Variants in HDGFL2 observed in about 807,000 individuals in gnomAD.
The protein encoded by HDGFL2 is HDGF like 2.
A neutral mutation model predicts 77.1 loss-of-function variants in HDGFL2; 36 were observed. The observed-to-expected ratio is 0.47, with a 90% CI of 0.36 to 0.62. The LOEUF (loss-of-function observed/expected upper bound fraction) is 0.62, where lower values mean the gene tolerates loss of function less well. HDGFL2 is among the 20% of genes least tolerant of loss of function. The pLI is 0.00. For synonymous variants in HDGFL2, 463 were observed against 413.1 expected (o/e 1.12, Z -1.46); for missense variants, 976 against 973.4 (o/e 1.00, Z -0.04).
chr19:4,498,170 C>G, intron 11 of HDGFL2, 136 bp from the exon 12 acceptor site: 2 of 1,141,710 alleles, frequency 1.8e-6, no homozygotes, highest in Non-Finnish European at 2.5e-6. Flanking sequence ...GGCGGTGCCT[C>G]CAGGGGTGGG....
At chr19:4,481,080 G>A (rs532052515) in intron 3 of HDGFL2, among the ~76,000 whole-genome samples, 23 of 151,750 alleles carry the variant, frequency 1.5e-4, no homozygotes, top group African/African-American at 5.6e-4. Flanking sequence ...GGAGTGCAGT[G>A]GTGCGGTCTC....
At chr19:4,498,989 C>A (rs1412904001) in intron 13 of HDGFL2, 74 bp downstream of exon 13, 3 of 1,057,934 alleles carry the variant, frequency 2.8e-6, no homozygotes, top group African/African-American at 3.1e-5. Flanking sequence ...GGAGCCCAGG[C>A]CCCCAGCAGG....
chr19:4,476,340 C>T lies in HDGFL2; in HGVS notation c.288+757C>T, dbSNP rs373282956. Among the ~76,000 whole-genome samples, 583 of 151,368 alleles carry T rather than the reference C, an allele frequency of 3.9e-3. 6 individuals carry two copies. The highest frequency in any genetic ancestry group is 0.036 in the South Asian group (171 of 4,766). On this transcript the variant is annotated intron_variant, in intron 3 of 15. Coordinates refer to ENST00000616600, the MANE Select transcript of HDGFL2 (RefSeq NM_001001520.3). ...CCCGAGTTGCTGGGATTACAGGTGC[C>T]CACCACCACACCCAGCTAATTTTTG...
At chr19:4,481,834 T>C (rs1400460618) in intron 3 of HDGFL2, among the ~76,000 whole-genome samples, 2 of 151,956 alleles carry the variant, frequency 1.3e-5, no homozygotes, top group East Asian at 1.9e-4. Flanking sequence ...CGGTGAGAAA[T>C]TGCACATCGA....
At chr19:4,476,617 T>A (rs968319624) in intron 3 of HDGFL2, among the ~76,000 whole-genome samples, 12 of 149,378 alleles carry the variant, frequency 8.0e-5, no homozygotes, top group African/African-American at 2.7e-4. Flanking sequence ...TTTAGAGGAG[T>A]GAAAAGTCTG....
At chr19:4,496,476 C>A in intron 10 of HDGFL2, 71 bp downstream of exon 10, 1 of 1,169,604 alleles carries the variant, frequency 8.5e-7, no homozygotes, top group Non-Finnish European at 1.3e-6. Context: ...CCTCACCCCT[C>A]ACAGGGGCAG....
chr19:4,494,001 G>T lies in HDGFL2; in HGVS notation c.858G>T (p.Lys286Asn). ...CTGTAGCGGAGAAGCCTCTCCCGAA[G>T]CCGCGAGGGCGGAAACCGAAGCCTG... Reference protein sequence around the residue: ...GRKPAEKPLPKPRGRKPKPER... With the variant: ...GRKPAEKPLPNPRGRKPKPER... The change falls in exon 8 of 16, where the codon AAG (lysine) becomes AAT (asparagine). Residue 286 changes from lysine to asparagine, a missense_variant. This residue lies in a region of HDGFL2 where 567 missense variants were observed against 534.7 expected (regional missense o/e 1.06). Transcript: ENST00000616600. 6.2e-7 allele frequency: 1 copy of T among 1,611,328 alleles called. No individual in the cohort carries two copies. Among genetic ancestry groups the T allele is most frequent in the East Asian group, 2.2e-5 (1 of 44,778 alleles).
Position 4,488,773 on chromosome 19 carries a change from C to T in HDGFL2, c.386C>T (p.Thr129Ile). 2 of 1,552,232 alleles carry T rather than the reference C, an allele frequency of 1.3e-6. No homozygotes were observed. The highest frequency in any genetic ancestry group is 8.7e-7 in the Non-Finnish European group (1 of 1,147,384). Residue 129 changes from threonine (T) to isoleucine (I), a missense_variant, in exon 4 of 16, where the codon ACA becomes ATA. Coordinates refer to ENST00000616600, the MANE Select transcript of HDGFL2 (RefSeq NM_001001520.3). Reference sequence around the variant, plus strand: ...GAGGACCGGGGGGTCATGGCCGTCACAGCGGTAACCGCCACAGCTGCCAGC... The same window carrying T: ...GAGGACCGGGGGGTCATGGCCGTCATAGCGGTAACCGCCACAGCTGCCAGC... ...DDEDRGVMAVTAVTATAASDR... is the reference protein window; with the variant it reads ...DDEDRGVMAVIAVTATAASDR...
intron 3 of HDGFL2, 99 bp from the exon 4 acceptor site, chr19:4,488,577 G>T: frequency 9.2e-7 from 1 of 1,083,074 alleles, no homozygotes; most frequent in Non-Finnish European, 1.3e-6. Context: ...CTGACATTCA[G>T]GATCCCGCAT....
At chr19:4,485,805 G>T (rs1406418687) in intron 3 of HDGFL2, among the ~76,000 whole-genome samples, 1 of 149,346 alleles carries the variant, frequency 6.7e-6, no homozygotes, top group Non-Finnish European at 1.5e-5. Flanking sequence ...CCAGCAGCTT[G>T]GGAGGCCAAG....
intron 14 of HDGFL2, among the ~76,000 whole-genome samples, 190 bp downstream of exon 14, chr19:4,499,894 G>A (rs1008809885): frequency 6.6e-6 from 1 of 152,242 alleles, no homozygotes; most frequent in African/African-American, 2.4e-5. Flanking sequence ...GGGCATTCAG[G>A]TCCTACCGTG....
intron 14 of HDGFL2, 81 bp from the exon 15 acceptor site, chr19:4,501,110 G>A (rs1323889397): frequency 3.8e-6 from 6 of 1,574,854 alleles, no homozygotes; most frequent in South Asian, 3.4e-5. Context: ...CTTGGCCCCT[G>A]GTCCAGTCCT....
At chr19:4,486,066 A>AC (rs1333676507) in intron 3 of HDGFL2, among the ~76,000 whole-genome samples, 10 of 150,854 alleles carry the variant, frequency 6.6e-5, no homozygotes, top group African/African-American at 9.7e-5. Flanking sequence ...AAAAAAAAAA[A>AC]AAAAACAACA....
At chr19:4,498,202 G>A (rs1975759951) in intron 11 of HDGFL2, 104 bp from the exon 12 acceptor site, 6 of 1,256,928 alleles carry the variant, frequency 4.8e-6, no homozygotes, top group African/African-American at 1.5e-5. Flanking sequence ...CAGACCTGGG[G>A]CCCCCATGAC....
chr19:4,499,389 G>T, intron 13 of HDGFL2, 102 bp from the exon 14 acceptor site: 7 of 990,672 alleles, frequency 7.1e-6, no homozygotes, highest in Non-Finnish European at 1.0e-5. Context: ...CTGTGCTCCC[G>T]GGAGGGGCTG....
intron 3 of HDGFL2, among the ~76,000 whole-genome samples, chr19:4,483,567 C>T (rs974703804): frequency 6.6e-6 from 1 of 152,164 alleles, no homozygotes; most frequent in African/African-American, 2.4e-5. Flanking sequence ...CTCCCTGCTC[C>T]CTCTTGCCCG....
At chr19:4,501,723 C>G (rs994032492) in intron 15 of HDGFL2, 188 bp from the exon 16 acceptor site, 3 of 528,984 alleles carry the variant, frequency 5.7e-6, no homozygotes, top group Admixed American at 3.8e-5. Context: ...GCCTGGCTGG[C>G]GCCAGCGTGG....
At position 4,493,179 on chromosome 19, in the gene HDGFL2, CGTGGTGTGTGT is replaced by C. The variant is rs1475327527; in HGVS notation, c.679-521_679-511del. ...GTGTGTTGTCTGTGTGTGGTGTGTGCGTGGTGTGTGTGTTGTCTGTGTCTGTGCGGTGTGTG... is the reference window on the plus strand; with the variant it reads ...GTGTGTTGTCTGTGTGTGGTGTGTGCGTTGTCTGTGTCTGTGCGGTGTGTG... On this transcript the variant is annotated intron_variant, in intron 6 of 15. Transcript: ENST00000616600. 4.8e-5 allele frequency among the ~76,000 whole-genome samples: 3 copies of C among 62,120 alleles called. No homozygotes were observed. In the Admixed American group the frequency reaches 5.4e-4, roughly 11 times the overall value. The allele number at this position is 62,120 out of a possible 152,430, so 40.8% of individuals were successfully genotyped here. A position where few individuals can be genotyped will look rare whatever the true frequency, so the allele number is the denominator to read the frequency against.
At chr19:4,497,684 C>T in intron 10 of HDGFL2, 1 of 507,464 alleles carries the variant, frequency 2.0e-6, no homozygotes. Context: ...ACAAAGCCAG[C>T]CCTTGGCCAT....
Sources: gnomAD v4.1 joint callset for allele counts (sites outside exome capture counted in the v4.1 genomes callset) on GRCh38, gnomAD v4.1.1 for gene constraint, gnomAD v4.1.1 regional missense constraint, MANE v1.5 for transcripts, NCBI Gene and HGNC (gene_info 2026-07-23, HGNC 2026-07-21) for gene names.